GADL1: variants seen among roughly 807,000 people sequenced by gnomAD.
The protein encoded by GADL1 is GAD like acidic amino acid decarboxylase 1.
In GADL1, 71 loss-of-function variants were observed where a neutral mutation model predicts 69.5. The ratio of observed to expected loss-of-function variants is 1.02; its 90% CI spans 0.84 to 1.25. GADL1 has a LOEUF of 1.25. Among genes scored for constraint, GADL1 ranks in the 50% most tolerant of loss-of-function variants. The pLI, the probability that GADL1 is intolerant of heterozygous loss-of-function variation, is 0.00. For missense variants in GADL1, 737 were observed against 631.8 expected (o/e 1.17, Z -1.79); for synonymous variants, 254 against 214.4 (o/e 1.18, Z -1.62).
intron 11 of GADL1, among the ~76,000 whole-genome samples, chr3:30,819,862 G>GC (rs1390902906): frequency 1.8e-4 from 28 of 151,924 alleles, no homozygotes; most frequent in African/African-American, 6.8e-4. Flanking sequence ...AGAAAATATT[G>GC]TAATGGACTC....
At chr3:30,765,171 T>C (rs539665603) in intron 14 of GADL1, among the ~76,000 whole-genome samples, 45 of 152,294 alleles carry the variant, frequency 3.0e-4, no homozygotes, top group African/African-American at 9.9e-4. Flanking sequence ...AAAATGTTCA[T>C]CTCCCCTAAC....
At chr3:30,794,188 A>G (rs1469051494) in intron 12 of GADL1, among the ~76,000 whole-genome samples, 2 of 152,164 alleles carry the variant, frequency 1.3e-5, no homozygotes, top group African/African-American at 4.8e-5. Context: ...ATGCAAGTCT[A>G]TGAAATGATT....
At chr3:30,891,934 G>T (rs898019260) in intron 1 of GADL1, among the ~76,000 whole-genome samples, 1 of 151,810 alleles carries the variant, frequency 6.6e-6, no homozygotes, top group African/African-American at 2.4e-5. Context: ...GTCTTATAAT[G>T]GTATATAAAA....
At chr3:30,748,823 T>C (rs908186139) in intron 14 of GADL1, among the ~76,000 whole-genome samples, 69 of 152,196 alleles carry the variant, frequency 4.5e-4, no homozygotes, top group Non-Finnish European at 2.1e-4. Context: ...TTCTTCTATA[T>C]AAAACTGTGT....
intron 3 of GADL1, among the ~76,000 whole-genome samples, chr3:30,856,738 A>G (rs1279551876): frequency 6.6e-6 from 1 of 152,026 alleles, no homozygotes; most frequent in Non-Finnish European, 1.5e-5. Flanking sequence ...GTGATAATAT[A>G]TGATCTTGAT....
At chr3:30,763,744 G>A (rs1696199024) in intron 14 of GADL1, among the ~76,000 whole-genome samples, 3 of 151,610 alleles carry the variant, frequency 2.0e-5, no homozygotes, top group African/African-American at 4.9e-5. Flanking sequence ...AAAATCCTTA[G>A]GTCTAAGCAT....
intron 11 of GADL1, among the ~76,000 whole-genome samples, chr3:30,805,734 C>CTTTTTTTTTTTTTTT (rs34788058): frequency 1.7e-4 from 11 of 66,092 alleles, no homozygotes; most frequent in East Asian, 1.4e-3. Context: ...AGTCCCCAGC[C>CTTTTTTTTTTTTTTT]TTTTTTTTTT....
intron 6 of GADL1, among the ~76,000 whole-genome samples, chr3:30,846,669 A>C (rs1185582684): frequency 6.6e-6 from 1 of 152,202 alleles, no homozygotes; most frequent in Non-Finnish European, 1.5e-5. Context: ...AAGAGTGTCC[A>C]AGGGATGTCT....
chr3:30,819,266 C>A lies in GADL1; in HGVS notation c.1050+14587G>T, dbSNP rs192175443. 7.6e-4 allele frequency among the ~76,000 whole-genome samples: 116 copies of A among 151,936 alleles called. 1 individual carries two copies. The highest frequency in any genetic ancestry group is 7.4e-5 in the Non-Finnish European group (5 of 67,992). On this transcript the variant is annotated intron_variant, in intron 11 of 14. Coordinates refer to ENST00000282538, the MANE Select transcript of GADL1 (RefSeq NM_207359.3). The stretch of plus-strand genomic sequence containing the variant: ...TCCTCTTCCCTCCCCAACTCTGAGG[C>A]CTGTTTATCTACTTGGGAAAGAGGG...
chr3:30,734,867 T>A (rs1054442999), intron 14 of GADL1, among the ~76,000 whole-genome samples: 1 of 152,132 alleles, frequency 6.6e-6, no homozygotes, highest in Non-Finnish European at 1.5e-5. Context: ...ATATAGTCAA[T>A]TTTGCTCCCC....
At chr3:30,815,685 A>G (rs962200639) in intron 11 of GADL1, among the ~76,000 whole-genome samples, 1 of 152,244 alleles carries the variant, frequency 6.6e-6, no homozygotes, top group Admixed American at 6.5e-5. Context: ...TAGCAAAATC[A>G]TCAGCATTAC....
At chr3:30,850,756 C>A in intron 5 of GADL1, 79 bp downstream of exon 5, 1 of 777,512 alleles carries the variant, frequency 1.3e-6, no homozygotes. Context: ...GTGTATAAAT[C>A]TGCAAGGAGT....
At chr3:30,800,019 G>C (rs1461793947) in intron 12 of GADL1, 1 of 152,266 alleles carries the variant, frequency 6.6e-6, no homozygotes, top group Non-Finnish European at 1.5e-5. Context: ...GAATTTTCCT[G>C]TCTTCTTCTG....
At chr3:30,788,610 CTG>C (rs1445223982) in intron 12 of GADL1, among the ~76,000 whole-genome samples, 1 of 152,212 alleles carries the variant, frequency 6.6e-6, no homozygotes, top group African/African-American at 2.4e-5. Flanking sequence ...AAAGATTTCT[CTG>C]TAGTAGGCAA....
chr3:30,861,322 C>T (rs1698317957), intron 2 of GADL1, among the ~76,000 whole-genome samples: 1 of 151,480 alleles, frequency 6.6e-6, no homozygotes, highest in Admixed American at 6.6e-5. Context: ...AAGTTTCATC[C>T]CTGTGCTTCA....
At chr3:30,798,673 T>C (rs1243744242) in intron 12 of GADL1, 1 of 152,056 alleles carries the variant, frequency 6.6e-6, no homozygotes, top group Non-Finnish European at 1.5e-5. Context: ...TCCCCTAAAG[T>C]CTTAACTCAT....
chr3:30,850,746 G>C (rs540406117), intron 5 of GADL1, 89 bp downstream of exon 5: 1 of 705,886 alleles, frequency 1.4e-6, no homozygotes, highest in Admixed American at 2.5e-5. Flanking sequence ...ACTTTTTGTC[G>C]TGTATAAATC....
At chr3:30,831,915 T>C (rs1697799193) in intron 11 of GADL1, among the ~76,000 whole-genome samples, 1 of 151,910 alleles carries the variant, frequency 6.6e-6, no homozygotes, top group African/African-American at 2.4e-5. Flanking sequence ...AAATTAAATA[T>C]CTGCATTTTG....
chr3:30,834,350 A>AT, intron 9 of GADL1, 69 bp from the exon 10 acceptor site: 10 of 1,298,550 alleles, frequency 7.7e-6, no homozygotes, highest in South Asian at 1.2e-5. Flanking sequence ...GGGTTGTCAT[A>AT]GAAAACCCTC....
Sources: allele counts gnomAD v4.1 joint callset (sites outside exome capture counted in the v4.1 genomes callset), GRCh38; gene constraint gnomAD v4.1.1; transcripts MANE v1.5; gene names NCBI Gene and HGNC (gene_info 2026-07-23, HGNC 2026-07-21).